The following PIKFYVE variants were observed in gnomAD, a reference collection of about 807,000 sequenced individuals.
The protein encoded by PIKFYVE is phosphoinositide kinase, FYVE-type zinc finger containing, also known as 1-phosphatidylinositol 3-phosphate 5-kinase.
PIKFYVE carries 122 observed loss-of-function variants against 257.9 expected under a neutral mutation model. That is an observed-to-expected ratio of 0.47 (90% CI 0.41 to 0.55). PIKFYVE has a LOEUF of 0.55. Among genes scored for constraint, PIKFYVE ranks in the 20% least tolerant of loss-of-function variants. The pLI is 0.00. For missense variants in PIKFYVE, 2,160 were observed against 2,536.6 expected (o/e 0.85, Z 3.19); for synonymous variants, 892 against 868.9 (o/e 1.03, Z -0.47).
At chr2:208,351,894 G>A (rs1287982752) in intron 38 of PIKFYVE, among the ~76,000 whole-genome samples, 2 of 152,112 alleles carry the variant, frequency 1.3e-5, no homozygotes. Context: ...CTCCAACATT[G>A]CAGATAACAT....
At chr2:208,293,294 A>G (rs528007160) in intron 7 of PIKFYVE, among the ~76,000 whole-genome samples, 1 of 152,134 alleles carries the variant, frequency 6.6e-6, no homozygotes, top group Non-Finnish European at 1.5e-5. Context: ...TATTGTTGCT[A>G]TTATTTTGAA....
chr2:208,281,855 G>T (rs987802002), intron 5 of PIKFYVE, among the ~76,000 whole-genome samples: 8 of 152,186 alleles, frequency 5.3e-5, no homozygotes, highest in African/African-American at 1.9e-4. Context: ...TTCAGTTTGT[G>T]TTTCAGTTCA....
Position 208,355,577 on chromosome 2 carries a change from T to C in PIKFYVE, c.*272T>C, listed in dbSNP as rs1162976295. ...ACAGACATGTTTCAAAGGGCTAAAGTTGGAGATGAGTAGATAGGGTGAAAA... is the reference window on the plus strand; with the variant it reads ...ACAGACATGTTTCAAAGGGCTAAAGCTGGAGATGAGTAGATAGGGTGAAAA... On this transcript the variant is annotated 3_prime_UTR_variant, in exon 42 of 42. Transcript: ENST00000264380. 1.1e-5 allele frequency: 4 copies of C among 372,968 alleles called. No homozygotes were observed. The South Asian group carries it at 1.2e-4, about 11-fold the overall frequency. The allele number at this position is 372,968 out of a possible 1,614,324, so 23.1% of individuals were successfully genotyped here.
In PIKFYVE at chr2:208,325,973, C is replaced by T; in HGVS notation, c.3162C>T (p.Leu1054=). 6.2e-7 allele frequency: 1 copy of T among 1,614,020 alleles called. No homozygotes were observed. Among genetic ancestry groups the T allele is most frequent in the African/African-American group, 1.3e-5 (1 of 75,050 alleles). The change falls in exon 20 of 42, where the codon CTC becomes CTT. Residue 1054 remains leucine, a synonymous_variant. Transcript: ENST00000264380. ...AGCAGGAATTAAAAGATGTGATCCT[C>T]TGTATCTCCCCAGTAATCACATTCC... The part of the protein sequence containing the change: ...AFKQELKDVI[L]CISPVITFRE...
At chr2:208,317,229 A>G (rs1315705988) in intron 15 of PIKFYVE, among the ~76,000 whole-genome samples, 3 of 151,814 alleles carry the variant, frequency 2.0e-5, no homozygotes, top group Non-Finnish European at 4.4e-5. Context: ...TTCGCAACCT[A>G]CTCATCTGAC....
At chr2:208,282,163 A>C (rs1054186945) in intron 5 of PIKFYVE, among the ~76,000 whole-genome samples, 1 of 152,250 alleles carries the variant, frequency 6.6e-6, no homozygotes, top group Admixed American at 6.5e-5. Flanking sequence ...GATTAGGAGT[A>C]TCTGTAGGTG....
At chr2:208,314,852 C>T (rs767799785) in intron 14 of PIKFYVE, among the ~76,000 whole-genome samples, 10 of 151,678 alleles carry the variant, frequency 6.6e-5, no homozygotes, top group East Asian at 3.9e-4. Flanking sequence ...GCTGAGATCG[C>T]GCCACTGCAC....
rs142388427 is a variant in PIKFYVE, at chr2:208,285,797, A to G, written c.685A>G (p.Ile229Val). 25 of 1,613,860 alleles carry G rather than the reference A, an allele frequency of 1.5e-5. No homozygotes were observed. Among genetic ancestry groups the G allele is most frequent in the East Asian group, 4.5e-5 (2 of 44,884 alleles). ...SYAHSTDSNS[I>V]GEDLNALSDS... The stretch of plus-strand genomic sequence containing the variant: ...TGCTCATTCCACAGACAGTAATTCT[A>G]TTGGGGAAGACTTGAATGCTCTTTC... Residue 229 changes from isoleucine (I) to valine (V), a missense_variant, in exon 6 of 42, where the codon ATT becomes GTT. Ile to Val is a conservative substitution (Grantham distance 29). Around this residue, in one of 12 missense-constraint regions of PIKFYVE, gnomAD observed 187 missense variants for 185.6 expected, o/e 1.01. Transcript: ENST00000264380.
In PIKFYVE at chr2:208,326,073, T is replaced by A. The variant is rs1696891852; in HGVS notation, c.3262T>A (p.Ser1088Thr). 6.2e-7 allele frequency: 1 copy of A among 1,614,096 alleles called. No homozygotes were observed. The highest frequency in any genetic ancestry group is 8.5e-7 in the Non-Finnish European group (1 of 1,180,016). Residue 1088 changes from serine to threonine, a missense_variant, in exon 20 of 42, where the codon TCT becomes ACT. By Grantham distance (58) the Ser-to-Thr change is moderately conservative (BLOSUM62 1). Transcript: ENST00000264380. Reference sequence around the variant, plus strand: ...TTATTTTGCAGAGCAGGTTTACTGGTCTCCTCTCCTCAATAAAGAATTCAA... The same window carrying A: ...TTATTTTGCAGAGCAGGTTTACTGGACTCCTCTCCTCAATAAAGAATTCAA... ...RDYFAEQVYWSPLLNKEFKEM... is the reference protein window; with the variant it reads ...RDYFAEQVYWTPLLNKEFKEM...
Position 208,271,691 on chromosome 2 carries a change from G to A in PIKFYVE, c.172G>A (p.Glu58Lys). ...SFVNLFRFNK[E>K]RAEGGQGEQQ... ...TGTAAATCTCTTTCGTTTTAACAAA[G>A]GTAAGACTTATTAAAGATAAGAGGT... The change falls in exon 2 of 42, where the codon GAG (glutamate) becomes AAG (lysine). Residue 58 changes from glutamate (E) to lysine (K), a missense_variant and splice_region_variant. Around this residue, in one of 12 missense-constraint regions of PIKFYVE, gnomAD observed 172 missense variants for 180.6 expected, o/e 0.95. Transcript: ENST00000264380. The A allele has an allele frequency of 6.2e-7, 1 of 1,611,214 alleles. No homozygotes were observed. Among genetic ancestry groups the A allele is most frequent in the Non-Finnish European group, 8.5e-7 (1 of 1,177,450 alleles).
In PIKFYVE at chr2:208,320,348, A is replaced by G. The variant is rs1234719766; in HGVS notation, c.2179A>G (p.Ile727Val). Residue 727 changes from isoleucine (I) to valine (V), a missense_variant, in exon 17 of 42, where the codon ATT becomes GTT. Transcript: ENST00000264380. ...EETKFTCIDP[I>V]VLQEREFLKN... is the part of the protein sequence containing the mutation. ...AACTAAGTTTACTTGCATTGATCCT[A>G]TTGTGCTTCAGGTAAGAATTTACTA... The G allele has an allele frequency of 1.9e-6, 3 of 1,612,006 alleles. No homozygotes were observed. The highest frequency in any genetic ancestry group is 4.5e-5 in the East Asian group (2 of 44,674).
At chr2:208,311,177 A>G (rs1191622583) in intron 12 of PIKFYVE, among the ~76,000 whole-genome samples, 1 of 152,150 alleles carries the variant, frequency 6.6e-6, no homozygotes, top group African/African-American at 2.4e-5. Context: ...TATAGATACA[A>G]TTAAGCTTTA....
In PIKFYVE at chr2:208,326,236, T is replaced by G; in HGVS notation, c.3425T>G (p.Leu1142Arg). ...ELVSTRIAEH[L>R]GDSQSLGRML... Reference sequence around the variant, plus strand: ...GTGAGCACTAGAATTGCTGAGCATCTGGGCGATAGCCAGAGCTTGGGTAGA... The same window carrying G: ...GTGAGCACTAGAATTGCTGAGCATCGGGGCGATAGCCAGAGCTTGGGTAGA... Residue 1142 changes from leucine (L) to arginine (R), a missense_variant, in exon 20 of 42, where the codon CTG becomes CGG. Around this residue, in one of 12 missense-constraint regions of PIKFYVE, gnomAD observed 522 missense variants for 514.6 expected, o/e 1.01. Transcript: ENST00000264380. 1 of 1,592,184 alleles carries G rather than the reference T, an allele frequency of 6.3e-7. No homozygotes were observed. Among genetic ancestry groups the G allele is most frequent in the Non-Finnish European group, 8.6e-7 (1 of 1,169,414 alleles).
intron 5 of PIKFYVE, among the ~76,000 whole-genome samples, chr2:208,282,426 G>T (rs1184218589): frequency 2.0e-5 from 3 of 152,296 alleles, no homozygotes; most frequent in East Asian, 3.9e-4. Flanking sequence ...TATATAGAGA[G>T]AAATTTATGT....
At chr2:208,303,217 A>G (rs1693918851) in intron 10 of PIKFYVE, among the ~76,000 whole-genome samples, 1 of 152,120 alleles carries the variant, frequency 6.6e-6, no homozygotes, top group African/African-American at 2.4e-5. Context: ...GTAATTTGAT[A>G]CAATATATAG....
chr2:208,324,090 G>A, intron 17 of PIKFYVE, 52 bp from the exon 18 acceptor site: 1 of 1,583,720 alleles, frequency 6.3e-7, no homozygotes. Context: ...ATTTTAATAT[G>A]TCCAGATACT....
In PIKFYVE at chr2:208,357,389, CTTTGT is replaced by C. The variant is rs1290475159; in HGVS notation, c.*2088_*2092del. ...CCCCCTAGGTGCAATTAGGTTGTTT[CTTTGT>C]TTTTAGTTTCAATTCTATGTGCATA... On this transcript the variant is annotated 3_prime_UTR_variant, in exon 42 of 42. Coordinates refer to ENST00000264380, the MANE Select transcript of PIKFYVE (RefSeq NM_015040.4). 6.6e-6 allele frequency: 1 copy of C among 152,152 alleles called. No homozygotes were observed. The highest frequency in any genetic ancestry group is 6.5e-5 in the Admixed American group (1 of 15,272). 9.4% of individuals were successfully genotyped at this position (152,152 alleles called of 1,614,324 possible).
At chr2:208,280,103 T>C (rs1255107160) in intron 5 of PIKFYVE, among the ~76,000 whole-genome samples, 1 of 152,200 alleles carries the variant, frequency 6.6e-6, no homozygotes, top group Non-Finnish European at 1.5e-5. Flanking sequence ...TTTTCCTGCA[T>C]AATACTCTTT....
At chr2:208,304,785 TA>T in intron 11 of PIKFYVE, 60 bp from the exon 12 acceptor site, 1 of 1,541,804 alleles carries the variant, frequency 6.5e-7, no homozygotes. Context: ...AATACCCTGA[TA>T]AAACCCATTT....
Sources: allele counts gnomAD v4.1 joint callset (sites outside exome capture counted in the v4.1 genomes callset), GRCh38; gene constraint gnomAD v4.1.1; regional missense constraint gnomAD v4.1.1; transcripts MANE v1.5; gene names NCBI Gene and HGNC (gene_info 2026-07-23, HGNC 2026-07-21).